The following NKAIN3 variants were observed in gnomAD, a reference collection of about 807,000 sequenced individuals.
NKAIN3 encodes sodium/potassium-transporting ATPase subunit beta-1-interacting protein 3.
Under a neutral mutation model 30.2 loss-of-function variants are expected in NKAIN3, and 25 were observed. The observed-to-expected ratio is 0.83, with a 90% CI of 0.60 to 1.16. NKAIN3 has a LOEUF of 1.16. NKAIN3 is among the 50% of genes most tolerant of loss of function. The probability of loss-of-function intolerance (pLI) is 0.00; values close to 1 mark genes in which losing one functional copy is unlikely to be tolerated. For synonymous variants in NKAIN3, 91 were observed against 89.6 expected (o/e 1.02, Z -0.09); for missense variants, 225 against 254.1 (o/e 0.89, Z 0.78).
intron 1 of NKAIN3, among the ~76,000 whole-genome samples, chr8:62,412,669 C>A (rs180743770): frequency 3.3e-5 from 5 of 151,560 alleles, no homozygotes; most frequent in Admixed American, 1.3e-4. Context: ...CAGAGGCGGG[C>A]GGAACATTTA....
chr8:62,959,651 C>T (rs1483142824), intron 6 of NKAIN3, among the ~76,000 whole-genome samples: 1 of 152,138 alleles, frequency 6.6e-6, no homozygotes, highest in Non-Finnish European at 1.5e-5. Flanking sequence ...AGATAGAGCA[C>T]GCACTGAGCT....
chr8:62,568,141 A>G (rs952854072), intron 1 of NKAIN3, among the ~76,000 whole-genome samples: 4 of 152,210 alleles, frequency 2.6e-5, no homozygotes, highest in African/African-American at 9.6e-5. Flanking sequence ...CATGAAACAC[A>G]GCATCATGCA....
chr8:62,868,050 C>T (rs376460921), intron 4 of NKAIN3, among the ~76,000 whole-genome samples: 2 of 152,238 alleles, frequency 1.3e-5, no homozygotes, highest in East Asian at 3.9e-4. Context: ...TGTCATTTTG[C>T]AAAGAGTGTA....
chr8:62,410,090 CCCT>C (rs1804194942), intron 1 of NKAIN3, among the ~76,000 whole-genome samples: 1 of 151,750 alleles, frequency 6.6e-6, no homozygotes, highest in African/African-American at 2.4e-5. Flanking sequence ...TTTTGGGACC[CCCT>C]CCTCCTCCCT....
In NKAIN3 at chr8:62,249,026, AGGACGAGGATCTCT is replaced by A; in HGVS notation, c.-45_-32del. 6.7e-7 allele frequency: 1 copy of A among 1,501,826 alleles called. No homozygotes were observed. The highest frequency in any genetic ancestry group is 9.0e-7 in the Non-Finnish European group (1 of 1,116,816). 93.0% of individuals were successfully genotyped at this position (1,501,826 alleles called of 1,614,324 possible). A position where few individuals can be genotyped will look rare whatever the true frequency, so the allele number is the denominator to read the frequency against. On this transcript the variant is annotated 5_prime_UTR_variant, in exon 1 of 7. Coordinates refer to ENST00000623646, the MANE Select transcript of NKAIN3 (RefSeq NM_001304533.3). ...CGGAGTCAGGAGGCAGCAGCGGCGGAGGACGAGGATCTCTGGCAGTCAGCGCCGCTCGGACGCCG... is the reference window on the plus strand; with the variant it reads ...CGGAGTCAGGAGGCAGCAGCGGCGGAGGCAGTCAGCGCCGCTCGGACGCCG...
chr8:62,654,499 T>A (rs899989385), intron 3 of NKAIN3, among the ~76,000 whole-genome samples: 2 of 152,046 alleles, frequency 1.3e-5, no homozygotes, highest in African/African-American at 4.8e-5. Context: ...GACAAGAAGA[T>A]GATACAAGCT....
At chr8:62,395,391 G>T (rs986844115) in intron 1 of NKAIN3, among the ~76,000 whole-genome samples, 1 of 152,086 alleles carries the variant, frequency 6.6e-6, no homozygotes, top group Non-Finnish European at 1.5e-5. Flanking sequence ...CGGCAGAAGC[G>T]CTCTTCACTT....
intron 1 of NKAIN3, among the ~76,000 whole-genome samples, chr8:62,287,674 T>G (rs866955349): frequency 2.0e-5 from 3 of 152,232 alleles, no homozygotes; most frequent in Middle Eastern, 3.4e-3. Context: ...TCTTAGGAGT[T>G]TTTTTATGTT....
intron 4 of NKAIN3, among the ~76,000 whole-genome samples, chr8:62,865,935 C>G (rs1820400872): frequency 6.6e-6 from 1 of 152,142 alleles, no homozygotes; most frequent in Non-Finnish European, 1.5e-5. Context: ...GCTTTTCATT[C>G]CATAACAGTC....
intron 1 of NKAIN3, among the ~76,000 whole-genome samples, chr8:62,463,117 GTTTAGAGGGAGGGTTGGCAT>G (rs764053565): frequency 4.6e-5 from 7 of 152,132 alleles, no homozygotes; most frequent in Non-Finnish European, 7.4e-5. Flanking sequence ...TTTTTAAGCT[GTTTAGAGGGAGGGTTGGCAT>G]TTTAATCCAT....
intron 3 of NKAIN3, among the ~76,000 whole-genome samples, chr8:62,610,081 C>T (rs569828209): frequency 6.6e-6 from 1 of 152,180 alleles, no homozygotes; most frequent in Non-Finnish European, 1.5e-5. Flanking sequence ...TGCAGTGGCT[C>T]ATGCCTATAA....
intron 3 of NKAIN3, among the ~76,000 whole-genome samples, chr8:62,744,900 G>A (rs1395171985): frequency 1.3e-5 from 2 of 152,108 alleles, no homozygotes; most frequent in African/African-American, 4.8e-5. Context: ...AAAGGAAAAA[G>A]GCATAACATG....
At chr8:62,685,796 A>G (rs531505765) in intron 3 of NKAIN3, among the ~76,000 whole-genome samples, 2 of 152,294 alleles carry the variant, frequency 1.3e-5, no homozygotes, top group South Asian at 2.1e-4. Context: ...TGACTGCGCA[A>G]CTATTAAGTC....
intron 3 of NKAIN3, among the ~76,000 whole-genome samples, chr8:62,621,354 A>T (rs1289728243): frequency 6.6e-6 from 1 of 152,106 alleles, no homozygotes; most frequent in Non-Finnish European, 1.5e-5. Context: ...TTATTAATAA[A>T]TGTAATATAA....
At chr8:62,371,246 GTCTA>G (rs1210054220) in intron 1 of NKAIN3, among the ~76,000 whole-genome samples, 2 of 151,646 alleles carry the variant, frequency 1.3e-5, no homozygotes, top group African/African-American at 2.4e-5. Flanking sequence ...ACTTTTCTTA[GTCTA>G]TCTTTTTTTA....
chr8:62,734,728 A>G (rs1815593492), intron 3 of NKAIN3, among the ~76,000 whole-genome samples: 1 of 152,240 alleles, frequency 6.6e-6, no homozygotes. Context: ...AACTGCTGAA[A>G]GGCAAGAAAG....
intron 3 of NKAIN3, among the ~76,000 whole-genome samples, chr8:62,606,683 A>G (rs567190142): frequency 1.1e-3 from 165 of 152,252 alleles, no homozygotes; most frequent in African/African-American, 3.8e-3. Flanking sequence ...GGGCCATCTG[A>G]TGTTTCAGTT....
At chr8:62,535,196 A>G (rs2129861245) in intron 1 of NKAIN3, among the ~76,000 whole-genome samples, 1 of 152,288 alleles carries the variant, frequency 6.6e-6, no homozygotes, top group African/African-American at 2.4e-5. Context: ...AGCACATGCC[A>G]CAGTCCACGT....
intron 2 of NKAIN3, among the ~76,000 whole-genome samples, chr8:62,585,257 C>A (rs2130085972): frequency 6.6e-6 from 1 of 152,198 alleles, no homozygotes; most frequent in Non-Finnish European, 1.5e-5. Flanking sequence ...ATTGAGGAGG[C>A]CTCTCGGCAA....
Sources: allele counts gnomAD v4.1 joint callset (sites outside exome capture counted in the v4.1 genomes callset), GRCh38; gene constraint gnomAD v4.1.1; transcripts MANE v1.5; gene names NCBI Gene and HGNC (gene_info 2026-07-23, HGNC 2026-07-21).